The following NARF variants were observed in gnomAD, a reference collection of about 807,000 sequenced individuals.
NARF encodes the protein iron-only hydrogenase-like protein 2.
NARF carries 41 observed loss-of-function variants against 48.0 expected under a neutral mutation model. The ratio of observed to expected loss-of-function variants is 0.85; its 90% CI spans 0.66 to 1.11. The LOEUF (loss-of-function observed/expected upper bound fraction) is 1.11, where lower values mean the gene tolerates loss of function less well. Among genes scored for constraint, NARF ranks in the 50% least tolerant of loss-of-function variants. NARF has a pLI of 0.00. For synonymous variants in NARF, 215 were observed against 225.5 expected, an observed-to-expected ratio of 0.95 and a Z score of 0.42; for missense variants, 613 against 590.2, an observed-to-expected ratio of 1.04 and a Z score of -0.40.
At chr17:82,468,136 C>G (rs2043613846) in intron 3 of NARF, among the ~76,000 whole-genome samples, 1 of 151,920 alleles carries the variant, frequency 6.6e-6, no homozygotes, top group South Asian at 2.1e-4. Context: ...ATGGCAAAAC[C>G]CCGTCTCTAC....
intron 3 of NARF, among the ~76,000 whole-genome samples, chr17:82,468,276 A>G (rs117939112): frequency 0.024 from 3,549 of 150,376 alleles, 54 homozygotes; most frequent in Admixed American, 0.046. Flanking sequence ...GCGCCACTGT[A>G]CTGTAGCCTG....
At chr17:82,485,222 C>T (rs1480596203) in intron 9 of NARF, among the ~76,000 whole-genome samples, 2 of 152,112 alleles carry the variant, frequency 1.3e-5, no homozygotes, top group Non-Finnish European at 2.9e-5. Flanking sequence ...GAGATCGAGA[C>T]CATCCTGGCT....
At chr17:82,460,844 A>G (rs2043419538) in intron 2 of NARF, 1 of 152,196 alleles carries the variant, frequency 6.6e-6, no homozygotes, top group Non-Finnish European at 1.5e-5. Flanking sequence ...GTCTTCTCAG[A>G]ACACACTACA....
chr17:82,481,877 C>G (rs2043972943), intron 7 of NARF: 1 of 338,738 alleles, frequency 3.0e-6, no homozygotes, highest in Non-Finnish European at 5.8e-6. Flanking sequence ...AATCACAAAC[C>G]AAGTCTGCAC....
upstream of NARF, chr17:82,458,627 G>T: frequency 1.3e-6 from 1 of 752,820 alleles, no homozygotes; most frequent in Non-Finnish European, 1.9e-6. Flanking sequence ...GAATCCTATT[G>T]GCCCAGGGGT....
intron 4 of NARF, among the ~76,000 whole-genome samples, chr17:82,471,874 A>G (rs1209364192): frequency 6.6e-6 from 1 of 151,854 alleles, no homozygotes; most frequent in Non-Finnish European, 1.5e-5. Context: ...ACCATCACAG[A>G]CTGAAATTTA....
At chr17:82,466,313 C>T (rs556142811) in intron 3 of NARF, among the ~76,000 whole-genome samples, 2 of 152,154 alleles carry the variant, frequency 1.3e-5, no homozygotes, top group South Asian at 4.1e-4. Context: ...AGAATTGTAT[C>T]TCATTTGCAT....
chr17:82,469,436 T>TGCTTCTGCG (rs2043646672), intron 4 of NARF, among the ~76,000 whole-genome samples: 6 of 152,236 alleles, frequency 3.9e-5, no homozygotes, highest in Admixed American at 3.9e-4. Context: ...TGATGGATGA[T>TGCTTCTGCG]GCTTCTGCGT....
rs1251056633 is a variant in NARF at position 82,468,798 on chromosome 17, T to C, written c.287T>C (p.Val96Ala). Residue 96 changes from valine (V) to alanine (A), a missense_variant, in exon 4 of 11, where the codon GTG becomes GCG. Physicochemically the swap from Val to Ala is moderately conservative, Grantham distance 64 (BLOSUM62 0). Coordinates refer to ENST00000309794, the MANE Select transcript of NARF (RefSeq NM_012336.4). ...CDTSKHKVLVVSVCPQSLPYF... is the reference protein window; with the variant it reads ...CDTSKHKVLVASVCPQSLPYF... ...ACCTCAAAGCACAAAGTGCTGGTAGTGTCTGTGTGTCCTCAATCTTTGCCT... is the reference window on the plus strand; with the variant it reads ...ACCTCAAAGCACAAAGTGCTGGTAGCGTCTGTGTGTCCTCAATCTTTGCCT... The C allele has an allele frequency of 1.2e-6, 2 of 1,614,100 alleles. No individual in the cohort carries two copies. The highest frequency in any genetic ancestry group is 1.7e-5 in the Admixed American group (1 of 60,022).
intron 10 of NARF, among the ~76,000 whole-genome samples, chr17:82,487,036 T>G (rs778124664): frequency 1.3e-5 from 2 of 152,194 alleles, no homozygotes; most frequent in Non-Finnish European, 2.9e-5. Context: ...GTGGTTTAAC[T>G]GCTTGTTCAC....
At chr17:82,459,045 A>C in intron 1 of NARF, 1 of 1,205,956 alleles carries the variant, frequency 8.3e-7, no homozygotes, top group Non-Finnish European at 1.0e-6. Flanking sequence ...TTCTCCCTGA[A>C]CTTGTCCATC....
intron 2 of NARF, among the ~76,000 whole-genome samples, chr17:82,462,037 CGTT>C (rs761316426): frequency 4.0e-4 from 61 of 152,158 alleles, no homozygotes; most frequent in Non-Finnish European, 4.7e-4. Flanking sequence ...CTGGTTGTGT[CGTT>C]GTAGACAGAT....
At chr17:82,487,794 C>A (rs906566570) in intron 10 of NARF, 122 bp from the exon 11 acceptor site, 18 of 503,362 alleles carry the variant, frequency 3.6e-5, no homozygotes, top group East Asian at 1.2e-4. Context: ...CGCCCAATCT[C>A]TACAAAAAAT....
In NARF at chr17:82,488,432, A is replaced by G. The variant is rs1052063378; in HGVS notation, c.*275A>G. ...ACTCTGTCACCCAGGCTGGAGTGCAATGGCGCAATCTCAGCTCACTGCAAC... is the reference window on the plus strand; with the variant it reads ...ACTCTGTCACCCAGGCTGGAGTGCAGTGGCGCAATCTCAGCTCACTGCAAC... On this transcript the variant is annotated 3_prime_UTR_variant, in exon 11 of 11. Transcript: ENST00000309794. 37 of 359,052 alleles carry G rather than the reference A, an allele frequency of 1.0e-4. No homozygotes were observed. Among genetic ancestry groups the G allele is most frequent in the East Asian group, 1.8e-4 (3 of 16,676 alleles). The allele number at this position is 359,052 out of a possible 1,614,324, so 22.2% of individuals were successfully genotyped here. A position where few individuals can be genotyped will look rare whatever the true frequency, so the allele number is the denominator to read the frequency against.
chr17:82,483,894 G>A (rs2044032858), intron 8 of NARF, 115 bp downstream of exon 8: 1 of 915,374 alleles, frequency 1.1e-6, no homozygotes, highest in Non-Finnish European at 1.7e-6. Flanking sequence ...GTGAAGCACT[G>A]CGATGCAGTC....
At chr17:82,473,076 G>A (rs1236662957) in intron 5 of NARF, among the ~76,000 whole-genome samples, 7 of 151,368 alleles carry the variant, frequency 4.6e-5, no homozygotes, top group African/African-American at 1.7e-4. Context: ...AAGTAGCTGG[G>A]ACTACAGGTG....
intron 6 of NARF, among the ~76,000 whole-genome samples, chr17:82,480,242 C>T (rs569482777): frequency 1.3e-4 from 20 of 152,236 alleles, no homozygotes; most frequent in Admixed American, 3.3e-4. Flanking sequence ...GGGTGGGCAT[C>T]GCTTGGGAAG....
intron 3 of NARF, 115 bp from the exon 4 acceptor site, chr17:82,468,649 A>G: frequency 2.1e-6 from 2 of 963,296 alleles, no homozygotes; most frequent in Non-Finnish European, 3.0e-6. Flanking sequence ...TGTCTATTTT[A>G]TTAGTCTTTG....
At chr17:82,474,203 G>A (rs1305717397) in intron 5 of NARF, among the ~76,000 whole-genome samples, 1 of 152,090 alleles carries the variant, frequency 6.6e-6, no homozygotes, top group East Asian at 1.9e-4. Context: ...GTTTTCTCTT[G>A]AAAGTACAAC....
Sources: gnomAD v4.1 joint callset for allele counts (sites outside exome capture counted in the v4.1 genomes callset) on GRCh38, gnomAD v4.1.1 for gene constraint, MANE v1.5 for transcripts, NCBI Gene and HGNC (gene_info 2026-07-23, HGNC 2026-07-21) for gene names.